WDPCP: variants seen among roughly 807,000 people sequenced by gnomAD.
The protein encoded by WDPCP is WD repeat containing planar cell polarity effector.
Under a neutral mutation model 93.1 loss-of-function variants are expected in WDPCP, and 71 were observed. That is an observed-to-expected ratio of 0.76 (90% CI 0.63 to 0.93). The LOEUF is 0.93. Ranked by LOEUF, WDPCP falls within the 40% of genes least tolerant of loss-of-function variation. WDPCP has a pLI of 0.00. For synonymous variants in WDPCP, 315 were observed against 315.0 expected, an observed-to-expected ratio of 1.00 and a Z score of 0.00; for missense variants, 844 against 887.4, an observed-to-expected ratio of 0.95 and a Z score of 0.62.
intron 1 of WDPCP, among the ~76,000 whole-genome samples, chr2:63,507,009 G>A (rs985247156): frequency 2.3e-4 from 35 of 151,928 alleles, no homozygotes; most frequent in Non-Finnish European, 4.4e-5. Flanking sequence ...AGGAGTTTGG[G>A]TGATCAGTCA....
intron 12 of WDPCP, among the ~76,000 whole-genome samples, chr2:63,343,149 T>C (rs1040584586): frequency 2.0e-5 from 3 of 152,114 alleles, no homozygotes; most frequent in Non-Finnish European, 2.9e-5. Context: ...TACGGGCTTG[T>C]ACCACCACAT....
intron 2 of WDPCP, among the ~76,000 whole-genome samples, chr2:63,678,035 T>A (rs931231396): frequency 2.0e-5 from 3 of 152,220 alleles, no homozygotes; most frequent in Non-Finnish European, 4.4e-5. Context: ...TTTAGGAATG[T>A]GGGTTGCAAG....
At chr2:63,296,988 T>A (rs1172267267) in intron 13 of WDPCP, among the ~76,000 whole-genome samples, 2 of 152,270 alleles carry the variant, frequency 1.3e-5, no homozygotes, top group African/African-American at 4.8e-5. Flanking sequence ...GCCAAAGCAA[T>A]CCTAAGGAAA....
At chr2:63,269,135 T>C (rs1454346814) in intron 13 of WDPCP, among the ~76,000 whole-genome samples, 6 of 152,156 alleles carry the variant, frequency 3.9e-5, no homozygotes, top group Non-Finnish European at 1.5e-5. Context: ...AAGTGTCATA[T>C]TGACAATTTT....
chr2:63,326,868 G>A (rs1687597659), intron 12 of WDPCP, among the ~76,000 whole-genome samples: 1 of 152,128 alleles, frequency 6.6e-6, no homozygotes, highest in Non-Finnish European at 1.5e-5. Context: ...TAAAAGCCAG[G>A]TAAATTTAAA....
intron 1 of WDPCP, among the ~76,000 whole-genome samples, chr2:63,510,960 A>T (rs1227909683): frequency 3.3e-5 from 5 of 152,214 alleles, no homozygotes; most frequent in African/African-American, 1.2e-4. Flanking sequence ...TGGATGACAG[A>T]GCAAGACACC....
chr2:63,338,320 G>T (rs1323655987), intron 12 of WDPCP, among the ~76,000 whole-genome samples: 1 of 151,870 alleles, frequency 6.6e-6, no homozygotes, highest in African/African-American at 2.4e-5. Flanking sequence ...AAGGCGGGTG[G>T]ATCACCTGAG....
At chr2:63,477,579 G>A (rs1700042183) in intron 6 of WDPCP, among the ~76,000 whole-genome samples, 1 of 151,982 alleles carries the variant, frequency 6.6e-6, no homozygotes, top group South Asian at 2.1e-4. Flanking sequence ...CAGCACGTGG[G>A]GACACACATC....
intron 6 of WDPCP, chr2:63,440,785 A>G (rs1697456072): frequency 1.3e-5 from 2 of 152,638 alleles, no homozygotes; most frequent in South Asian, 4.1e-4. Context: ...ACCAATTGTC[A>G]GTAAACTAAT....
At chr2:63,428,792 A>G (rs1696510463) in intron 9 of WDPCP, among the ~76,000 whole-genome samples, 3 of 152,178 alleles carry the variant, frequency 2.0e-5, no homozygotes, top group South Asian at 4.1e-4. Flanking sequence ...CCCATTCACA[A>G]TAGCCACAAA....
Position 63,259,398 on chromosome 2 carries a change from G to T in WDPCP, c.1824C>A (p.Tyr608Ter). The T allele has an allele frequency of 7.5e-6, 12 of 1,610,696 alleles. No individual in the cohort carries two copies. Among genetic ancestry groups the T allele is most frequent in the African/African-American group, 1.3e-5 (1 of 74,958 alleles). ...CCAATTCACCTTTATCTAGTGCAAG[G>T]TAATGAATATCCTGAGGAAATAAAG... ...GARDLFMDIH[Y>*]LALDKGELAL... Residue 608 changes from tyrosine to a stop codon, truncating the protein, a stop_gained, in exon 14 of 18, where the codon TAC (tyrosine) becomes TAA (stop). Transcript: ENST00000272321. LOFTEE classifies it high-confidence loss of function.
intron 12 of WDPCP, among the ~76,000 whole-genome samples, chr2:63,358,871 T>C (rs1690223352): frequency 6.6e-6 from 1 of 152,192 alleles, no homozygotes; most frequent in South Asian, 2.1e-4. Flanking sequence ...AAAATTTCTA[T>C]ACAGACTACC....
chr2:63,564,216 T>C (rs745531798), intron 1 of WDPCP: 8 of 152,196 alleles, frequency 5.3e-5, no homozygotes, highest in Non-Finnish European at 1.0e-4. Context: ...TTTTTGGAAA[T>C]TTCATTTTCT....
chr2:63,438,246 G>C (rs1240664034), intron 7 of WDPCP, among the ~76,000 whole-genome samples: 19 of 152,006 alleles, frequency 1.2e-4, no homozygotes, highest in Non-Finnish European at 1.5e-5. Context: ...GAAATGTTTT[G>C]CATTGTTCCT....
At chr2:63,440,205 T>C in intron 6 of WDPCP, 1 of 212,154 alleles carries the variant, frequency 4.7e-6, no homozygotes, top group South Asian at 9.2e-5. Context: ...AAATGTAATG[T>C]ATTCTATTAT....
intron 6 of WDPCP, among the ~76,000 whole-genome samples, chr2:63,450,300 C>T (rs1432588186): frequency 2.6e-5 from 4 of 152,102 alleles, no homozygotes; most frequent in African/African-American, 9.7e-5. Context: ...GGGTTCCTCC[C>T]CCATTGCTGA....
At chr2:63,416,265 T>C (rs1301646275) in intron 9 of WDPCP, among the ~76,000 whole-genome samples, 1 of 151,738 alleles carries the variant, frequency 6.6e-6, no homozygotes, top group East Asian at 1.9e-4. Flanking sequence ...AGTGGTGCAA[T>C]TTCCATTCAC....
intron 12 of WDPCP, among the ~76,000 whole-genome samples, chr2:63,363,541 T>G (rs1377934775): frequency 6.6e-6 from 1 of 152,108 alleles, no homozygotes; most frequent in African/African-American, 2.4e-5. Flanking sequence ...GAGGCTGCAG[T>G]GAGTCATGAA....
intron 1 of WDPCP, among the ~76,000 whole-genome samples, chr2:63,823,632 C>T (rs1671063618): frequency 6.6e-6 from 1 of 152,124 alleles, no homozygotes; most frequent in South Asian, 2.1e-4. Context: ...TTTTCCAGAA[C>T]CAAATGAAAT....
Sources: allele counts gnomAD v4.1 joint callset (sites outside exome capture counted in the v4.1 genomes callset), GRCh38; gene constraint gnomAD v4.1.1; transcripts MANE v1.5; gene names NCBI Gene and HGNC (gene_info 2026-07-23, HGNC 2026-07-21).